The following CAPN13 variants were observed in gnomAD, a reference collection of about 807,000 sequenced individuals.
The protein encoded by CAPN13 is calpain-13.
Under a neutral mutation model 98.4 loss-of-function variants are expected in CAPN13, and 90 were observed. The observed-to-expected ratio is 0.92, with a 90% confidence interval of 0.77 to 1.09. The LOEUF (loss-of-function observed/expected upper bound fraction) is 1.09. Ranked by LOEUF, CAPN13 falls within the 50% of genes least tolerant of loss-of-function variation. CAPN13 has a pLI of 0.00. For missense variants in CAPN13, 887 were observed against 841.3 expected (o/e 1.05, Z -0.67); for synonymous variants, 330 against 305.5 (o/e 1.08, Z -0.84).
chr2:30,788,095 GA>G (rs147933328), intron 1 of CAPN13, among the ~76,000 whole-genome samples: 5,778 of 151,822 alleles, frequency 0.038, 166 homozygotes, highest in Non-Finnish European at 0.055. Context: ...GGATAGGGAG[GA>G]AAAAAAGAAA....
intron 10 of CAPN13, among the ~76,000 whole-genome samples, chr2:30,752,102 T>G (rs1277494933): frequency 6.6e-6 from 1 of 152,184 alleles, no homozygotes; most frequent in Non-Finnish European, 1.5e-5. Context: ...CAACAGCTCT[T>G]GAGGTTCTGC....
chr2:30,738,282 C>T lies in CAPN13; in HGVS notation c.1606G>A (p.Asp536Asn). 1 of 1,613,932 alleles carries T rather than the reference C, an allele frequency of 6.2e-7. No individual in the cohort carries two copies. Among genetic ancestry groups the T allele is most frequent in the Non-Finnish European group, 8.5e-7 (1 of 1,179,884 alleles). Residue 536 changes from aspartate to asparagine, a missense_variant, in exon 17 of 23, where the codon GAC (aspartate) becomes AAC (asparagine). By Grantham distance (23) the Asp-to-Asn change is conservative. Transcript: ENST00000295055. ...CGGCACTCATCTAAGGAGAACATGT[C>T]CCCTGGAGGTCCTGAGGAGAGAAGG... ...NQELLTGPPG[D>N]MFSLDECRSL...
intron 15 of CAPN13, among the ~76,000 whole-genome samples, chr2:30,739,815 T>C (rs1671560867): frequency 6.6e-6 from 1 of 151,892 alleles, no homozygotes; most frequent in Non-Finnish European, 1.5e-5. Context: ...AGAGTGAGGG[T>C]TGCTTAGTCT....
chr2:30,744,659 C>T (rs1159347007), intron 12 of CAPN13, among the ~76,000 whole-genome samples: 1 of 152,140 alleles, frequency 6.6e-6, no homozygotes, highest in Non-Finnish European at 1.5e-5. Context: ...CCCCTCATAG[C>T]CCTGTCCAGG....
chr2:30,739,848 T>C (rs943834115), intron 15 of CAPN13, among the ~76,000 whole-genome samples: 9 of 152,188 alleles, frequency 5.9e-5, no homozygotes, highest in African/African-American at 2.2e-4. Flanking sequence ...CATGTTTGCC[T>C]CAACCACCAC....
At chr2:30,734,647 T>A (rs1671268280) in intron 18 of CAPN13, 123 bp from the exon 19 acceptor site, 2 of 750,636 alleles carry the variant, frequency 2.7e-6, no homozygotes, top group Non-Finnish European at 4.6e-6. Context: ...CACTGAGGAC[T>A]GGGAGGACAC....
intron 2 of CAPN13, among the ~76,000 whole-genome samples, chr2:30,783,930 C>A (rs1027513692): frequency 3.3e-5 from 5 of 152,074 alleles, no homozygotes; most frequent in Non-Finnish European, 7.4e-5. Flanking sequence ...CCTGTAATCC[C>A]AGCACTTTGG....
chr2:30,778,197 C>T (rs1673799284), intron 2 of CAPN13, among the ~76,000 whole-genome samples: 1 of 152,158 alleles, frequency 6.6e-6, no homozygotes, highest in South Asian at 2.1e-4. Context: ...TCTGGAAGGC[C>T]GCAGTCCCCT....
rs1449787862 is a variant in CAPN13, at chr2:30,742,326, C to T, written c.1479G>A (p.Lys493=). Residue 493 remains lysine, a splice_region_variant and synonymous_variant, in exon 14 of 23, where the codon AAG becomes AAA. Transcript: ENST00000295055. ...HLSSHFNLRM[K]GSPSEHGSQQ... is the part of the protein sequence containing the mutation. ...CAGCCAAACCTTGCTGCATACCTAC[C>T]TTCATTCTGAGGTTGAAATGGCTGC... The T allele has an allele frequency of 6.2e-7, 1 of 1,603,764 alleles. No individual in the cohort carries two copies. Among genetic ancestry groups the T allele is most frequent in the Non-Finnish European group, 8.5e-7 (1 of 1,175,110 alleles).
intron 7 of CAPN13, among the ~76,000 whole-genome samples, chr2:30,761,357 C>T (rs573137725): frequency 7.3e-4 from 111 of 152,252 alleles, no homozygotes; most frequent in Non-Finnish European, 1.4e-3. Flanking sequence ...CACAAATGTT[C>T]GAGCTGTGGG....
At chr2:30,800,927 A>G (rs1161777011) in intron 1 of CAPN13, among the ~76,000 whole-genome samples, 1 of 152,184 alleles carries the variant, frequency 6.6e-6, no homozygotes, top group Non-Finnish European at 1.5e-5. Flanking sequence ...ACTGTGTAAT[A>G]TTTAATCTGT....
At chr2:30,724,141 T>C (rs914910690) in intron 22 of CAPN13, among the ~76,000 whole-genome samples, 3 of 152,246 alleles carry the variant, frequency 2.0e-5, no homozygotes, top group Admixed American at 6.5e-5. Context: ...TATATTTATG[T>C]CACATTTTTG....
chr2:30,795,002 C>T (rs1427460292), intron 1 of CAPN13, among the ~76,000 whole-genome samples: 1 of 151,922 alleles, frequency 6.6e-6, no homozygotes. Flanking sequence ...ATACCTTAAA[C>T]ATATGCAGTT....
chr2:30,790,763 C>T (rs922145597), intron 1 of CAPN13, among the ~76,000 whole-genome samples: 1 of 152,218 alleles, frequency 6.6e-6, no homozygotes, highest in Admixed American at 6.5e-5. Flanking sequence ...ATAACTCCCA[C>T]ATGCTTAGCG....
intron 12 of CAPN13, chr2:30,745,382 A>C: frequency 1.9e-6 from 1 of 516,532 alleles, no homozygotes; most frequent in East Asian, 5.2e-5. Context: ...TTAGGAGGCT[A>C]AAGATCTTTC....
At chr2:30,736,899 C>T (rs776461503) in intron 17 of CAPN13, among the ~76,000 whole-genome samples, 7 of 152,230 alleles carry the variant, frequency 4.6e-5, no homozygotes, top group Non-Finnish European at 7.3e-5. Context: ...GGGAGGAGCA[C>T]GAAGGGTCAT....
chr2:30,759,319 C>A (rs1350487518), intron 7 of CAPN13, among the ~76,000 whole-genome samples: 1 of 152,144 alleles, frequency 6.6e-6, no homozygotes, highest in Non-Finnish European at 1.5e-5. Context: ...AGGTCTACCC[C>A]TTTGCTCCCT....
At position 30,770,480 on chromosome 2, in the gene CAPN13, G is replaced by T. The variant is rs759775511; in HGVS notation, c.388-31C>A. The T allele has an allele frequency of 2.9e-5, 46 of 1,608,152 alleles. No homozygotes were observed. In the Middle Eastern group the frequency reaches 5.0e-4, roughly 17 times the overall value. Reference sequence around the variant, plus strand: ...AGAGAGCCAAGCATATGCTTTGACAGAGTTGAGGCAGAAGGGAGCTCCTGG... The same window carrying T: ...AGAGAGCCAAGCATATGCTTTGACATAGTTGAGGCAGAAGGGAGCTCCTGG... On this transcript the variant is annotated intron_variant, in intron 4 of 22. Coordinates refer to ENST00000295055, the MANE Select transcript of CAPN13 (RefSeq NM_144575.3).
chr2:30,735,954 C>T (rs1029673059), intron 18 of CAPN13, among the ~76,000 whole-genome samples: 15 of 151,884 alleles, frequency 9.9e-5, no homozygotes, highest in South Asian at 2.1e-4. Flanking sequence ...ACAGGTGTGA[C>T]GTTTACAGGA....
Sources: allele counts gnomAD v4.1 joint callset (sites outside exome capture counted in the v4.1 genomes callset), GRCh38; gene constraint gnomAD v4.1.1; transcripts MANE v1.5; gene names NCBI Gene and HGNC (gene_info 2026-07-23, HGNC 2026-07-21).